FREM2: variants seen among roughly 807,000 people sequenced by gnomAD.
FREM2 encodes FRAS1 related extracellular matrix 2, also known as FRAS1-related extracellular matrix protein 2.
FREM2 carries 119 observed loss-of-function variants against 219.9 expected under a neutral mutation model. The observed-to-expected ratio is 0.54, with a 90% CI of 0.47 to 0.63. The LOEUF (loss-of-function observed/expected upper bound fraction) is 0.63. Among genes scored for constraint, FREM2 ranks in the 30% least tolerant of loss-of-function variants. FREM2 has a pLI of 0.00. For missense variants in FREM2, 4,030 were observed against 3,993.6 expected, an observed-to-expected ratio of 1.01 and a Z score of -0.25; for synonymous variants, 1,562 against 1,522.8, an observed-to-expected ratio of 1.03 and a Z score of -0.60.
At chr13:38,879,412 A>G (rs1593461054) in intron 23 of FREM2, among the ~76,000 whole-genome samples, 1 of 152,252 alleles carries the variant, frequency 6.6e-6, no homozygotes, top group Non-Finnish European at 1.5e-5. Flanking sequence ...CAGGAAAGCA[A>G]TTGTGCACAG....
At chr13:38,818,486 A>G (rs897011642) in intron 6 of FREM2, among the ~76,000 whole-genome samples, 3 of 152,134 alleles carry the variant, frequency 2.0e-5, no homozygotes, top group Non-Finnish European at 2.9e-5. Flanking sequence ...CAAAGGAAAA[A>G]AAGTTGATAT....
intron 2 of FREM2, among the ~76,000 whole-genome samples, chr13:38,755,365 G>A (rs973587981): frequency 6.6e-6 from 1 of 152,098 alleles, no homozygotes; most frequent in Non-Finnish European, 1.5e-5. Context: ...CCCCAGGGGT[G>A]GGCCACATAA....
chr13:38,870,081 T>A (rs141379953), intron 16 of FREM2, among the ~76,000 whole-genome samples: 2 of 152,208 alleles, frequency 1.3e-5, no homozygotes, highest in African/African-American at 4.8e-5. Context: ...TTTGGAAAAG[T>A]AAACAAATTT....
intron 2 of FREM2, among the ~76,000 whole-genome samples, chr13:38,718,330 C>T (rs1371200755): frequency 2.6e-5 from 4 of 152,184 alleles, no homozygotes; most frequent in South Asian, 2.1e-4. Context: ...CAGCCCTACT[C>T]CAGGGGTGAA....
At chr13:38,783,255 A>G (rs1487934735) in intron 5 of FREM2, 60 bp downstream of exon 5, 1 of 1,572,730 alleles carries the variant, frequency 6.4e-7, no homozygotes, top group Non-Finnish European at 8.8e-7. Flanking sequence ...AGCCTTTTTA[A>G]CATATTGGAG....
chr13:38,718,033 A>G (rs1871081190), intron 2 of FREM2, among the ~76,000 whole-genome samples: 1 of 152,228 alleles, frequency 6.6e-6, no homozygotes, highest in Admixed American at 6.5e-5. Flanking sequence ...CACAATTAGC[A>G]ATTAGCAATT....
At position 38,687,136 on chromosome 13, in the gene FREM2, C is replaced by T. The variant is rs1414700234; in HGVS notation, c.-209C>T. ...GGCGCTAGCGGCGGAGCTGGACGGC[C>T]TGGGAAGGCTTCGGCTCCTCGGCTG... On this transcript the variant is annotated 5_prime_UTR_variant, in exon 1 of 24. Coordinates refer to ENST00000280481, the MANE Select transcript of FREM2 (RefSeq NM_207361.6). The T allele has an allele frequency of 1.1e-5, 7 of 641,568 alleles. No homozygotes were observed. Among genetic ancestry groups the T allele is most frequent in the South Asian group, 1.9e-5 (1 of 51,340 alleles). The allele number at this position is 641,568 out of a possible 1,614,324, so 39.7% of individuals were successfully genotyped here.
At chr13:38,854,595 C>G (rs562342210) in intron 11 of FREM2, among the ~76,000 whole-genome samples, 7 of 152,198 alleles carry the variant, frequency 4.6e-5, no homozygotes, top group Non-Finnish European at 7.4e-5. Flanking sequence ...TCATACAGGT[C>G]AAATCAAACA....
intron 23 of FREM2, among the ~76,000 whole-genome samples, chr13:38,879,904 G>A (rs776809486): frequency 1.4e-4 from 21 of 152,170 alleles, no homozygotes; most frequent in Non-Finnish European, 2.9e-4. Context: ...GGGTTCAGAA[G>A]ATTTGAGCTG....
chr13:38,828,113 A>G lies in FREM2; in HGVS notation c.6020-18460A>G, dbSNP rs116375760. On this transcript the variant is annotated intron_variant, in intron 6 of 23. Coordinates refer to ENST00000280481, the MANE Select transcript of FREM2 (RefSeq NM_207361.6). ...ATGCACACATTTTTGTTTCATTTTA[A>G]TTAGAGTAAATTATTGGTAAAGTGG... Among the ~76,000 whole-genome samples, 547 of 152,202 alleles carry G rather than the reference A, an allele frequency of 3.6e-3. 4 individuals are homozygous for G. The highest frequency in any genetic ancestry group is 0.012 in the African/African-American group (511 of 41,556).
In FREM2 at chr13:38,691,172, T is replaced by A; in HGVS notation, c.3828T>A (p.Ser1276Arg). 3 of 1,613,672 alleles carry A rather than the reference T, an allele frequency of 1.9e-6. No individual in the cohort carries two copies. The highest frequency in any genetic ancestry group is 2.5e-6 in the Non-Finnish European group (3 of 1,179,910). ...EHDDSETQED[S>R]FVIKLTDGKH... ...ATGACTCCGAGACCCAGGAAGACAGTTTTGTGATTAAACTAACAGATGGGA... is the reference window on the plus strand; with the variant it reads ...ATGACTCCGAGACCCAGGAAGACAGATTTGTGATTAAACTAACAGATGGGA... Residue 1276 changes from serine (S) to arginine (R), a missense_variant, in exon 1 of 24, where the codon AGT becomes AGA. Ser to Arg is a moderately radical substitution (Grantham distance 110, BLOSUM62 -1). Coordinates refer to ENST00000280481, the MANE Select transcript of FREM2 (RefSeq NM_207361.6).
chr13:38,772,149 G>A (rs1698585204), intron 4 of FREM2, among the ~76,000 whole-genome samples: 1 of 152,044 alleles, frequency 6.6e-6, no homozygotes, highest in Non-Finnish European at 1.5e-5. Context: ...GACATGTTAT[G>A]ATGTTTTGTT....
rs561138781 is a variant in FREM2 at position 38,882,820 on chromosome 13, A to G, written c.*2033A>G. The G allele has an allele frequency of 6.6e-6, 1 of 152,310 alleles. No homozygotes were observed. The highest frequency in any genetic ancestry group is 2.1e-4 in the South Asian group (1 of 4,818). 9.4% of individuals were successfully genotyped at this position (152,310 alleles called of 1,614,324 possible). A position where few individuals can be genotyped will look rare whatever the true frequency, so the allele number is the denominator to read the frequency against. Reference sequence around the variant, plus strand: ...CCCTACTTACCATTGGGTTCAATTGATGTAGACTGTTAGAGCAAGTATACT... The same window carrying G: ...CCCTACTTACCATTGGGTTCAATTGGTGTAGACTGTTAGAGCAAGTATACT... On this transcript the variant is annotated 3_prime_UTR_variant, in exon 24 of 24. Transcript: ENST00000280481.
At chr13:38,812,775 T>C (rs1393652132) in intron 6 of FREM2, among the ~76,000 whole-genome samples, 1 of 151,822 alleles carries the variant, frequency 6.6e-6, no homozygotes, top group Non-Finnish European at 1.5e-5. Context: ...CCTAGCTACT[T>C]GAGAGGCTGA....
At chr13:38,726,799 T>G (rs1871547322) in intron 2 of FREM2, among the ~76,000 whole-genome samples, 1 of 152,200 alleles carries the variant, frequency 6.6e-6, no homozygotes, top group Non-Finnish European at 1.5e-5. Context: ...CACATAGACC[T>G]ATGATTGTGG....
intron 2 of FREM2, among the ~76,000 whole-genome samples, chr13:38,724,084 C>T (rs1001766085): frequency 4.6e-5 from 7 of 152,132 alleles, no homozygotes; most frequent in African/African-American, 1.7e-4. Flanking sequence ...AGTCAGGTGA[C>T]CCAGCATATC....
At chr13:38,849,432 A>G (rs1243554899) in intron 8 of FREM2, among the ~76,000 whole-genome samples, 2 of 152,142 alleles carry the variant, frequency 1.3e-5, no homozygotes, top group Non-Finnish European at 2.9e-5. Context: ...CTAGACACTC[A>G]TCAAATTTCT....
intron 15 of FREM2, 151 bp from the exon 16 acceptor site, chr13:38,864,124 G>C (rs984853940): frequency 1.5e-6 from 1 of 670,182 alleles, no homozygotes; most frequent in Non-Finnish European, 2.6e-6. Context: ...CCACGTCACC[G>C]GGCCTGGACA....
chr13:38,743,281 T>A, intron 2 of FREM2, among the ~76,000 whole-genome samples: 1 of 151,816 alleles, frequency 6.6e-6, no homozygotes, highest in South Asian at 2.1e-4. Flanking sequence ...TATGCTATTT[T>A]AAAATATATA....
Sources: gnomAD v4.1 joint callset for allele counts (sites outside exome capture counted in the v4.1 genomes callset) on GRCh38, gnomAD v4.1.1 for gene constraint, MANE v1.5 for transcripts, NCBI Gene and HGNC (gene_info 2026-07-23, HGNC 2026-07-21) for gene names.